Variants in LRP1B observed in about 807,000 individuals in gnomAD.
LRP1B encodes the protein low-density lipoprotein receptor-related protein 1B.
LRP1B carries 217 observed loss-of-function variants against 556.6 expected under a neutral mutation model. The observed-to-expected ratio is 0.39, with a 90% CI of 0.35 to 0.44. LRP1B has a LOEUF of 0.44. Ranked by LOEUF, LRP1B falls within the 20% of genes least tolerant of loss-of-function variation. LRP1B has a pLI of 1.00. For synonymous variants in LRP1B, 2,047 were observed against 1,865.8 expected, an observed-to-expected ratio of 1.10 and a Z score of -2.50; for missense variants, 5,053 against 5,620.8, an observed-to-expected ratio of 0.90 and a Z score of 3.23.
intron 18 of LRP1B, among the ~76,000 whole-genome samples, chr2:140,969,773 T>C (rs866164334): frequency 1.8e-4 from 28 of 152,160 alleles, no homozygotes; most frequent in Admixed American, 3.3e-4. Flanking sequence ...TTATTTCTCC[T>C]TCACTTATGA....
At chr2:141,618,688 G>A (rs1688396395) in intron 2 of LRP1B, among the ~76,000 whole-genome samples, 1 of 152,118 alleles carries the variant, frequency 6.6e-6, no homozygotes, top group African/African-American at 2.4e-5. Context: ...AGTGAAAGTG[G>A]CAAGGATATT....
chr2:140,784,533 C>T (rs912179507), intron 32 of LRP1B, among the ~76,000 whole-genome samples: 7 of 151,636 alleles, frequency 4.6e-5, no homozygotes, highest in African/African-American at 1.5e-4. Context: ...AGCCCGGAAA[C>T]ACCAGATAAT....
intron 2 of LRP1B, among the ~76,000 whole-genome samples, chr2:141,779,419 CTTTT>C (rs34529015): frequency 6.1e-5 from 8 of 130,798 alleles, no homozygotes; most frequent in Admixed American, 8.1e-5. Flanking sequence ...AAAATAAAAA[CTTTT>C]TTTTTTTTTT....
intron 35 of LRP1B, among the ~76,000 whole-genome samples, chr2:140,750,320 A>G (rs1688531919): frequency 6.6e-6 from 1 of 152,194 alleles, no homozygotes; most frequent in Non-Finnish European, 1.5e-5. Flanking sequence ...GAATTCCCTA[A>G]GACCAAATGG....
chr2:141,531,531 G>A (rs2170667), intron 2 of LRP1B, among the ~76,000 whole-genome samples: 149,222 of 152,220 alleles, frequency 0.98, 73,207 homozygotes, highest in Middle Eastern at 1. Context: ...ATATTATTGC[G>A]TTACAGGAAG....
At chr2:140,885,569 T>C (rs1431899879) in intron 24 of LRP1B, among the ~76,000 whole-genome samples, 1 of 152,020 alleles carries the variant, frequency 6.6e-6, no homozygotes, top group Admixed American at 6.6e-5. Context: ...CAGGCTGGTC[T>C]GGATCTCCTG....
intron 3 of LRP1B, among the ~76,000 whole-genome samples, chr2:141,322,434 G>A (rs1428203223): frequency 3.3e-5 from 5 of 151,988 alleles, no homozygotes; most frequent in African/African-American, 1.2e-4. Context: ...TGAGCTTTAG[G>A]TATGTCCGAG....
At chr2:141,248,568 T>C (rs1684151625) in intron 4 of LRP1B, among the ~76,000 whole-genome samples, 1 of 152,130 alleles carries the variant, frequency 6.6e-6, no homozygotes, top group African/African-American at 2.4e-5. Flanking sequence ...ATCATGGGGA[T>C]TTCAAAGAAG....
At chr2:140,416,231 C>G (rs1451610518) in intron 66 of LRP1B, among the ~76,000 whole-genome samples, 1 of 152,156 alleles carries the variant, frequency 6.6e-6, no homozygotes, top group Non-Finnish European at 1.5e-5. Flanking sequence ...TCTAGGTTGA[C>G]CATTCCTTAG....
intron 45 of LRP1B, among the ~76,000 whole-genome samples, chr2:140,539,273 T>A (rs1251271272): frequency 1.3e-5 from 2 of 152,182 alleles, no homozygotes; most frequent in East Asian, 3.9e-4. Context: ...ATCACTTAGA[T>A]GAGGACACAG....
At chr2:140,636,293 C>T (rs1684068963) in intron 41 of LRP1B, among the ~76,000 whole-genome samples, 1 of 152,108 alleles carries the variant, frequency 6.6e-6, no homozygotes, top group South Asian at 2.1e-4. Flanking sequence ...TGTATAGTAG[C>T]ATGGCATGCA....
intron 57 of LRP1B, among the ~76,000 whole-genome samples, chr2:140,491,516 A>G (rs2105372027): frequency 6.6e-6 from 1 of 152,228 alleles, no homozygotes; most frequent in Non-Finnish European, 1.5e-5. Flanking sequence ...TATCCCAAGA[A>G]AGATAATTTT....
chr2:142,080,869 T>G (rs1183929532), intron 1 of LRP1B, among the ~76,000 whole-genome samples: 4 of 152,112 alleles, frequency 2.6e-5, no homozygotes, highest in Non-Finnish European at 4.4e-5. Context: ...TACTTAAAAT[T>G]TTATCATTTT....
At chr2:141,100,000 G>A (rs1019772035) in intron 7 of LRP1B, among the ~76,000 whole-genome samples, 1 of 152,138 alleles carries the variant, frequency 6.6e-6, no homozygotes, top group South Asian at 2.1e-4. Flanking sequence ...AAATGACATT[G>A]TCTGAATAAT....
chr2:140,760,467 A>C (rs553342414), intron 35 of LRP1B, among the ~76,000 whole-genome samples: 1 of 152,328 alleles, frequency 6.6e-6, no homozygotes, highest in East Asian at 1.9e-4. Flanking sequence ...AACTAAGTCA[A>C]ATTATCAGTA....
At chr2:140,632,036 A>T (rs1683905546) in intron 41 of LRP1B, among the ~76,000 whole-genome samples, 1 of 152,194 alleles carries the variant, frequency 6.6e-6, no homozygotes, top group Non-Finnish European at 1.5e-5. Flanking sequence ...TCATCAATTT[A>T]GAATTCTGTA....
chr2:140,622,381 A>G (rs893772175), intron 41 of LRP1B, among the ~76,000 whole-genome samples: 12 of 152,138 alleles, frequency 7.9e-5, no homozygotes, highest in African/African-American at 2.7e-4. Context: ...CTGAATTTCT[A>G]TTTACCATCT....
intron 53 of LRP1B, 33 bp downstream of exon 53, chr2:140,506,763 G>T: frequency 6.3e-7 from 1 of 1,593,248 alleles, no homozygotes; most frequent in Non-Finnish European, 8.5e-7. Flanking sequence ...CTTAGCCTAG[G>T]AATCTCCTTC....
intron 3 of LRP1B, among the ~76,000 whole-genome samples, chr2:141,417,459 A>G (rs911798509): frequency 2.6e-5 from 4 of 152,166 alleles, no homozygotes; most frequent in Non-Finnish European, 4.4e-5. Flanking sequence ...TAGATACCCC[A>G]TATAAGTAGA....
Sources: allele counts gnomAD v4.1 joint callset (sites outside exome capture counted in the v4.1 genomes callset), GRCh38; gene constraint gnomAD v4.1.1; transcripts MANE v1.5; gene names NCBI Gene and HGNC (gene_info 2026-07-23, HGNC 2026-07-21).